GABRG3: variants seen among roughly 807,000 people sequenced by gnomAD.
The protein encoded by GABRG3 is gamma-aminobutyric acid receptor subunit gamma-3.
In GABRG3, 25 loss-of-function variants were observed where a neutral mutation model predicts 48.8. The observed-to-expected ratio is 0.51, with a 90% confidence interval of 0.37 to 0.72. The LOEUF (loss-of-function observed/expected upper bound fraction) is 0.72. Among genes scored for constraint, GABRG3 ranks in the 30% least tolerant of loss-of-function variants. The pLI is 0.00. For synonymous variants in GABRG3, 227 were observed against 217.6 expected (o/e 1.04, Z -0.38); for missense variants, 394 against 577.9 (o/e 0.68, Z 3.26).
chr15:27,304,015 A>C (rs1350085382), intron 3 of GABRG3, among the ~76,000 whole-genome samples: 1 of 151,954 alleles, frequency 6.6e-6, no homozygotes, highest in East Asian at 1.9e-4. Flanking sequence ...TTAAACAGAA[A>C]AAACATTTGA....
At chr15:27,120,487 T>A (rs1897712307) in intron 3 of GABRG3, among the ~76,000 whole-genome samples, 1 of 152,234 alleles carries the variant, frequency 6.6e-6, no homozygotes, top group Non-Finnish European at 1.5e-5. Context: ...GCTTGTGGAA[T>A]TCTGGCTATT....
At chr15:27,462,508 G>A (rs1273354266) in intron 5 of GABRG3, among the ~76,000 whole-genome samples, 5 of 152,066 alleles carry the variant, frequency 3.3e-5, no homozygotes, top group African/African-American at 9.7e-5. Context: ...AATATTCTGT[G>A]TATATTATTT....
At chr15:26,999,116 G>A (rs1435334969) in intron 2 of GABRG3, among the ~76,000 whole-genome samples, 4 of 149,752 alleles carry the variant, frequency 2.7e-5, no homozygotes, top group Non-Finnish European at 5.9e-5. Context: ...AACCAACCAT[G>A]GGTAGAAAAT....
At chr15:27,121,352 C>T (rs558361663) in intron 3 of GABRG3, among the ~76,000 whole-genome samples, 3 of 152,178 alleles carry the variant, frequency 2.0e-5, no homozygotes, top group South Asian at 2.1e-4. Flanking sequence ...TGCTCACATT[C>T]GTACCTAACA....
At chr15:27,241,086 G>C (rs1366453894) in intron 3 of GABRG3, among the ~76,000 whole-genome samples, 2 of 152,222 alleles carry the variant, frequency 1.3e-5, no homozygotes, top group African/African-American at 4.8e-5. Context: ...AGGAAAGGTT[G>C]TGACAATAAG....
At chr15:27,020,857 T>A (rs1895881550) in intron 2 of GABRG3, among the ~76,000 whole-genome samples, 2 of 152,244 alleles carry the variant, frequency 1.3e-5, no homozygotes, top group South Asian at 4.1e-4. Flanking sequence ...GGAACATCTT[T>A]GTCTCAGACG....
intron 5 of GABRG3, among the ~76,000 whole-genome samples, chr15:27,445,126 G>A (rs1888905907): frequency 6.6e-6 from 1 of 152,154 alleles, no homozygotes; most frequent in Non-Finnish European, 1.5e-5. Context: ...ACCCGCCTCG[G>A]CTTCCCAAAG....
intron 6 of GABRG3, among the ~76,000 whole-genome samples, chr15:27,497,104 A>G (rs1396145965): frequency 3.9e-5 from 6 of 152,184 alleles, no homozygotes; most frequent in Admixed American, 2.6e-4. Context: ...ATTTCCTCTC[A>G]TCAGTATCCC....
intron 5 of GABRG3, among the ~76,000 whole-genome samples, chr15:27,429,730 A>G (rs1027196611): frequency 7.2e-5 from 11 of 152,168 alleles, no homozygotes; most frequent in African/African-American, 2.7e-4. Context: ...TCTACCTCAT[A>G]GCTTATATTA....
At position 26,971,227 on chromosome 15, in the gene GABRG3, C is replaced by T. The variant is rs2140627843; in HGVS notation, c.-309C>T. On this transcript the variant is annotated 5_prime_UTR_variant, in exon 1 of 10. Coordinates refer to ENST00000615808, the MANE Select transcript of GABRG3 (RefSeq NM_033223.5). ...CCTGGGCACCCGCGCCCGCTCGCGG[C>T]TCCAGGCGGGGTGGGCGGCGCCGCG... 1.3e-5 allele frequency: 2 copies of T among 151,646 alleles called. No individual in the cohort carries two copies. Among genetic ancestry groups the T allele is most frequent in the East Asian group, 1.9e-4 (1 of 5,150 alleles). The allele number at this position is 151,646 out of a possible 1,614,324, so 9.4% of individuals were successfully genotyped here. A position where few individuals can be genotyped will look rare whatever the true frequency, so the allele number is the denominator to read the frequency against.
At chr15:27,469,793 A>T in intron 5 of GABRG3, among the ~76,000 whole-genome samples, 1 of 152,180 alleles carries the variant, frequency 6.6e-6, no homozygotes, top group Non-Finnish European at 1.5e-5. Context: ...TTTTCTGTAA[A>T]CAGTAGTTAA....
At chr15:27,388,295 A>AGGAG (rs1555376772) in intron 5 of GABRG3, among the ~76,000 whole-genome samples, 45 of 31,158 alleles carry the variant, frequency 1.4e-3, no homozygotes, top group South Asian at 3.6e-3. Context: ...AAGGAAGAAA[A>AGGAG]GAAGGAAGGA....
At chr15:27,435,270 C>T (rs1199754567) in intron 5 of GABRG3, among the ~76,000 whole-genome samples, 1 of 150,872 alleles carries the variant, frequency 6.6e-6, no homozygotes, top group East Asian at 1.9e-4. Context: ...TTTTATTTTT[C>T]CCTCTAGCAG....
chr15:27,509,323 T>G (rs1890841925), intron 6 of GABRG3, among the ~76,000 whole-genome samples: 1 of 142,384 alleles, frequency 7.0e-6, no homozygotes, highest in Admixed American at 7.3e-5. Context: ...AGTTGGGGGG[T>G]TTGTTATTTG....
chr15:27,370,135 G>T (rs993909515), intron 5 of GABRG3, among the ~76,000 whole-genome samples: 1 of 152,204 alleles, frequency 6.6e-6, no homozygotes, highest in African/African-American at 2.4e-5. Flanking sequence ...ATGCTTCCAT[G>T]GAATTAAATA....
intron 3 of GABRG3, among the ~76,000 whole-genome samples, chr15:27,298,344 A>G (rs1892072872): frequency 6.6e-6 from 1 of 152,128 alleles, no homozygotes; most frequent in African/African-American, 2.4e-5. Context: ...AAAATCAAGG[A>G]CGTGCCTGGG....
chr15:27,018,198 T>A (rs1272354916), intron 2 of GABRG3, among the ~76,000 whole-genome samples: 3 of 152,246 alleles, frequency 2.0e-5, no homozygotes. Context: ...CAAGGCCATA[T>A]GGCTACTTCA....
chr15:27,283,667 C>G (rs903512655), intron 3 of GABRG3, among the ~76,000 whole-genome samples: 13 of 152,108 alleles, frequency 8.5e-5, no homozygotes, highest in African/African-American at 3.1e-4. Flanking sequence ...GGAGATCAGT[C>G]TTCGCTCAGG....
At chr15:27,339,841 T>A (rs1182703157) in intron 5 of GABRG3, among the ~76,000 whole-genome samples, 1 of 152,196 alleles carries the variant, frequency 6.6e-6, no homozygotes, top group Non-Finnish European at 1.5e-5. Flanking sequence ...AGGGGACTTC[T>A]CACTTTGAAG....
Sources: allele counts gnomAD v4.1 joint callset (sites outside exome capture counted in the v4.1 genomes callset), GRCh38; gene constraint gnomAD v4.1.1; transcripts MANE v1.5; gene names NCBI Gene and HGNC (gene_info 2026-07-23, HGNC 2026-07-21).